MACROD2: variants seen among roughly 807,000 people sequenced by gnomAD.
MACROD2 encodes the protein ADP-ribose glycohydrolase MACROD2.
A neutral mutation model predicts 70.4 loss-of-function variants in MACROD2; 36 were observed. The observed-to-expected ratio is 0.51, with a 90% confidence interval of 0.39 to 0.68. The LOEUF (loss-of-function observed/expected upper bound fraction) is 0.68. MACROD2 is among the 30% of genes least tolerant of loss of function. MACROD2 has a pLI of 0.00. For synonymous variants in MACROD2, 172 were observed against 178.8 expected, an observed-to-expected ratio of 0.96 and a Z score of 0.30; for missense variants, 496 against 538.4, an observed-to-expected ratio of 0.92 and a Z score of 0.78.
intron 2 of MACROD2, among the ~76,000 whole-genome samples, chr20:14,042,166 T>G (rs889857904): frequency 6.6e-6 from 1 of 152,146 alleles, no homozygotes; most frequent in Non-Finnish European, 1.5e-5. Flanking sequence ...TCTTGACAAT[T>G]AAAAATATGA....
intron 8 of MACROD2, among the ~76,000 whole-genome samples, chr20:15,781,622 G>A (rs1301358264): frequency 1.3e-5 from 2 of 152,112 alleles, no homozygotes; most frequent in South Asian, 2.1e-4. Flanking sequence ...ACTGTCTGAA[G>A]TCTCTTTAAT....
chr20:15,330,242 A>G (rs2077977642), intron 6 of MACROD2, among the ~76,000 whole-genome samples: 1 of 151,994 alleles, frequency 6.6e-6, no homozygotes, highest in African/African-American at 2.4e-5. Context: ...GAACCGAGCA[A>G]TGGGCCAGGA....
intron 4 of MACROD2, among the ~76,000 whole-genome samples, chr20:14,569,497 C>T (rs1299200430): frequency 6.6e-6 from 1 of 151,826 alleles, no homozygotes; most frequent in Non-Finnish European, 1.5e-5. Flanking sequence ...ATTCAGTATC[C>T]TCCACAACCC....
At chr20:14,580,621 G>T (rs958305132) in intron 4 of MACROD2, among the ~76,000 whole-genome samples, 1 of 152,184 alleles carries the variant, frequency 6.6e-6, no homozygotes, top group Non-Finnish European at 1.5e-5. Flanking sequence ...TGCTGGCAAA[G>T]CCCTGGCTTC....
chr20:15,797,101 T>G (rs141796425), intron 8 of MACROD2, among the ~76,000 whole-genome samples: 147 of 152,100 alleles, frequency 9.7e-4, no homozygotes, highest in Middle Eastern at 3.4e-3. Context: ...AGGGTTCTTT[T>G]TTTGTTTGTT....
At chr20:14,369,262 A>G (rs1277181115) in intron 3 of MACROD2, among the ~76,000 whole-genome samples, 2 of 150,746 alleles carry the variant, frequency 1.3e-5, no homozygotes, top group East Asian at 2.0e-4. Flanking sequence ...TTATTCCCCA[A>G]GGGATTTCCC....
chr20:15,793,390 A>G (rs1462079409), intron 8 of MACROD2, among the ~76,000 whole-genome samples: 2 of 152,188 alleles, frequency 1.3e-5, no homozygotes, highest in African/African-American at 4.8e-5. Context: ...TAGACCCTCT[A>G]TGGAGAGGAA....
rs530540689 is a variant in MACROD2, at chr20:15,133,150, T to C, written c.419-96790T>C. On this transcript the variant is annotated intron_variant, in intron 5 of 17. Coordinates refer to ENST00000684519, the MANE Select transcript of MACROD2 (RefSeq NM_001351661.2). ...AGAATCTTGGCAGAGGGAAGTGCTA[T>C]AAAAAGGATTTAAGACTCAAAATTT... 9.2e-5 allele frequency among the ~76,000 whole-genome samples: 14 copies of C among 152,132 alleles called. No individual in the cohort carries two copies. The South Asian group carries it at 1.0e-3, about 11-fold the overall frequency.
At chr20:14,790,713 C>T (rs1014620828) in intron 5 of MACROD2, among the ~76,000 whole-genome samples, 1 of 152,058 alleles carries the variant, frequency 6.6e-6, no homozygotes, top group African/African-American at 2.4e-5. Flanking sequence ...TTAAAGCAGC[C>T]CCTGTTCACT....
intron 5 of MACROD2, among the ~76,000 whole-genome samples, chr20:14,924,625 TTA>T (rs1342849167): frequency 6.6e-6 from 1 of 152,078 alleles, no homozygotes; most frequent in Non-Finnish European, 1.5e-5. Flanking sequence ...ACAATCACCC[TTA>T]TATATGTAGC....
At chr20:14,695,970 G>A (rs16994812) in intron 5 of MACROD2, among the ~76,000 whole-genome samples, 273 of 152,284 alleles carry the variant, frequency 1.8e-3, no homozygotes, top group Non-Finnish European at 3.2e-3. Context: ...GCAGGGGAAA[G>A]GGCTCACTAT....
intron 8 of MACROD2, among the ~76,000 whole-genome samples, chr20:15,686,734 G>A (rs574858595): frequency 3.3e-5 from 5 of 151,968 alleles, no homozygotes; most frequent in South Asian, 2.1e-4. Context: ...TTAGCCAGGC[G>A]TGGTGGCGCA....
At chr20:14,624,697 C>G (rs1488349939) in intron 4 of MACROD2, among the ~76,000 whole-genome samples, 2 of 152,188 alleles carry the variant, frequency 1.3e-5, no homozygotes, top group African/African-American at 4.8e-5. Flanking sequence ...TGGCCCCTTT[C>G]CACATGTGAG....
chr20:14,589,337 T>C (rs1981606182), intron 4 of MACROD2, among the ~76,000 whole-genome samples: 1 of 152,200 alleles, frequency 6.6e-6, no homozygotes, highest in African/African-American at 2.4e-5. Flanking sequence ...TTATCAGTTT[T>C]TGAAGCAGTG....
chr20:14,602,856 G>A (rs552653968), intron 4 of MACROD2, among the ~76,000 whole-genome samples: 3 of 152,218 alleles, frequency 2.0e-5, no homozygotes, highest in African/African-American at 7.2e-5. Context: ...AATAGCCAAG[G>A]CCTTTGATGT....
At chr20:14,835,904 G>A (rs1299352278) in intron 5 of MACROD2, among the ~76,000 whole-genome samples, 1 of 151,980 alleles carries the variant, frequency 6.6e-6, no homozygotes, top group Non-Finnish European at 1.5e-5. Flanking sequence ...GCTTATTTAG[G>A]AAAAGTCGGG....
chr20:14,098,243 T>C (rs2148676797), intron 3 of MACROD2, among the ~76,000 whole-genome samples: 1 of 152,228 alleles, frequency 6.6e-6, no homozygotes, highest in East Asian at 1.9e-4. Flanking sequence ...TAAGACCAAC[T>C]AACAGGGTTT....
chr20:15,081,305 G>A (rs112964928), intron 5 of MACROD2, among the ~76,000 whole-genome samples: 14 of 152,288 alleles, frequency 9.2e-5, no homozygotes, highest in African/African-American at 3.4e-4. Context: ...CAACAACTGA[G>A]TTGAGTAGTT....
At chr20:14,563,308 G>T (rs999065079) in intron 4 of MACROD2, among the ~76,000 whole-genome samples, 2 of 151,898 alleles carry the variant, frequency 1.3e-5, no homozygotes, top group African/African-American at 4.8e-5. Context: ...ATGGTAATAT[G>T]CAGGGGAGAA....
Sources: allele counts gnomAD v4.1 joint callset (sites outside exome capture counted in the v4.1 genomes callset), GRCh38; gene constraint gnomAD v4.1.1; transcripts MANE v1.5; gene names NCBI Gene and HGNC (gene_info 2026-07-23, HGNC 2026-07-21).